The following CC2D2A variants were observed in gnomAD, a reference collection of about 807,000 sequenced individuals.
CC2D2A encodes coiled-coil and C2 domain-containing protein 2A.
CC2D2A carries 155 observed loss-of-function variants against 212.9 expected under a neutral mutation model. That is an observed-to-expected ratio of 0.73 (90% CI 0.64 to 0.83). The LOEUF (loss-of-function observed/expected upper bound fraction) is 0.83, where lower values mean the gene tolerates loss of function less well. CC2D2A is among the 40% of genes least tolerant of loss of function. CC2D2A has a pLI of 0.00. For missense variants in CC2D2A, 1,856 were observed against 1,956.2 expected (o/e 0.95, Z 0.97); for synonymous variants, 667 against 686.5 (o/e 0.97, Z 0.44).
chr4:15,597,926 CAG>C (rs770217005), intron 35 of CC2D2A, among the ~76,000 whole-genome samples: 1 of 152,188 alleles, frequency 6.6e-6, no homozygotes, highest in Non-Finnish European at 1.5e-5. Context: ...AACTGAGGCT[CAG>C]AGAGGTCCAC....
chr4:15,514,952 C>A, intron 9 of CC2D2A, 83 bp downstream of exon 9: 1 of 1,211,936 alleles, frequency 8.3e-7, no homozygotes, highest in Non-Finnish European at 1.2e-6. Flanking sequence ...ATAAGGATGC[C>A]TCATCTCCAG....
intron 17 of CC2D2A, among the ~76,000 whole-genome samples, chr4:15,549,385 C>A (rs1331118822): frequency 6.6e-6 from 1 of 152,158 alleles, no homozygotes; most frequent in Non-Finnish European, 1.5e-5. Context: ...GTCCTGAATT[C>A]AGTACCTGTG....
At chr4:15,527,789 C>T in intron 12 of CC2D2A, 133 bp downstream of exon 12, 1 of 676,176 alleles carries the variant, frequency 1.5e-6, no homozygotes, top group South Asian at 1.9e-5. Context: ...ATGTGTGATA[C>T]ATTATCCAGC....
At chr4:15,574,040 G>A (rs1720285470) in intron 28 of CC2D2A, 110 bp from the exon 29 acceptor site, 14 of 880,364 alleles carry the variant, frequency 1.6e-5, no homozygotes, top group South Asian at 5.6e-5. Context: ...TTGAATGCCA[G>A]TCTGAGCAAT....
chr4:15,593,854 C>T (rs983749942), intron 33 of CC2D2A, among the ~76,000 whole-genome samples: 12 of 152,192 alleles, frequency 7.9e-5, no homozygotes, highest in African/African-American at 2.9e-4. Flanking sequence ...AAGGTTTCAC[C>T]ATTTAACCCT....
chr4:15,534,332 T>C (rs538512439), intron 14 of CC2D2A, among the ~76,000 whole-genome samples: 6 of 152,336 alleles, frequency 3.9e-5, no homozygotes, highest in African/African-American at 1.4e-4. Flanking sequence ...TTTAAAAAGA[T>C]AAAATACATT....
At chr4:15,510,098 G>C in intron 6 of CC2D2A, 41 bp from the exon 7 acceptor site, 3 of 1,472,254 alleles carry the variant, frequency 2.0e-6, no homozygotes, top group Non-Finnish European at 2.8e-6. Flanking sequence ...TAAGTTTCTT[G>C]GGTTAAATGG....
chr4:15,574,157 G>T lies in CC2D2A; in HGVS notation c.3602G>T (p.Gly1201Val). ...STIYFQARID[G>V]TFKIDIPPVL... ...GTCATATTTTCTTCACAGATTGATG[G>T]AACATTTAAAATAGATATTCCCCCA... Residue 1201 changes from glycine to valine, a missense_variant, in exon 29 of 37, where the codon GGA becomes GTA. Physicochemically the swap from Gly to Val is moderately radical, Grantham distance 109. Coordinates refer to ENST00000424120, the MANE Select transcript of CC2D2A (RefSeq NM_001378615.1). 1 of 1,540,268 alleles carries T rather than the reference G, an allele frequency of 6.5e-7. No homozygotes were observed. The highest frequency in any genetic ancestry group is 8.8e-7 in the Non-Finnish European group (1 of 1,141,572).
intron 27 of CC2D2A, among the ~76,000 whole-genome samples, chr4:15,569,632 A>G (rs763124739): frequency 2.6e-5 from 4 of 152,236 alleles, no homozygotes; most frequent in Non-Finnish European, 5.9e-5. Flanking sequence ...AGTAAGAGGA[A>G]GAATGCATTT....
chr4:15,589,815 A>G lies in CC2D2A; in HGVS notation c.4314+136A>G, dbSNP rs572306952. 2.7e-4 allele frequency: 47 copies of G among 176,160 alleles called. 1 individual carries two copies. In the African/African-American group the frequency reaches 7.2e-3, roughly 27 times the overall value. 10.9% of individuals were successfully genotyped at this position (176,160 alleles called of 1,614,324 possible). ...TATATATATACACACATATATATAT[A>G]CCAGTTAAAAGAAATGCAGTGTCAA... On this transcript the variant is annotated intron_variant, in intron 33 of 36. Transcript: ENST00000424120.
intron 8 of CC2D2A, among the ~76,000 whole-genome samples, chr4:15,513,702 G>C (rs1716699310): frequency 1.3e-5 from 2 of 152,192 alleles, no homozygotes; most frequent in Admixed American, 1.3e-4. Context: ...TTTTCTCTGG[G>C]TGATTTTGCT....
At chr4:15,484,365 C>T (rs1714879607) in intron 4 of CC2D2A, among the ~76,000 whole-genome samples, 1 of 152,084 alleles carries the variant, frequency 6.6e-6, no homozygotes, top group Non-Finnish European at 1.5e-5. Flanking sequence ...GGGAATTGTA[C>T]CCAGCCTAGT....
At chr4:15,478,592 C>A in intron 2 of CC2D2A, 131 bp from the exon 3 acceptor site, 1 of 654,964 alleles carries the variant, frequency 1.5e-6, no homozygotes, top group South Asian at 2.1e-5. Flanking sequence ...AGATTGTTAA[C>A]TGTCCCCCAA....
chr4:15,563,423 G>A lies in CC2D2A; in HGVS notation c.3083G>A (p.Arg1028Gln), dbSNP rs775439922. The change falls in exon 24 of 37, where the codon CGG becomes CAG. Residue 1028 changes from arginine (R) to glutamine (Q), a missense_variant. By Grantham distance (43) the Arg-to-Gln change is conservative. Transcript: ENST00000424120. ...KRPLRPRRKG[R>Q]KKVTAQNLSD... ...CCACTGCGGCCAAGGAGAAAAGGTC[G>A]GAAGAAGGTGACAGCCCAAAACCTG... 1.1e-5 allele frequency: 17 copies of A among 1,609,854 alleles called. No individual in the cohort carries two copies. Among genetic ancestry groups the A allele is most frequent in the Middle Eastern group, 1.6e-4 (1 of 6,078 alleles).
intron 14 of CC2D2A, 64 bp from the exon 15 acceptor site, chr4:15,536,856 C>A (rs1718158434): frequency 1.4e-6 from 2 of 1,479,046 alleles, no homozygotes; most frequent in South Asian, 1.3e-5. Flanking sequence ...TAAGTATTTG[C>A]TGTTATTATT....
chr4:15,587,867 T>C lies in CC2D2A; in HGVS notation c.4117T>C (p.Cys1373Arg). The C allele has an allele frequency of 6.2e-7, 1 of 1,613,696 alleles. No individual in the cohort carries two copies. Residue 1373 changes from cysteine to arginine, a missense_variant, in exon 32 of 37, where the codon TGT (cysteine) becomes CGT (arginine). Cys to Arg is a radical substitution (Grantham distance 180). Transcript: ENST00000424120. ...TGAAGAAGAACATGCAGTACTATTG[T>C]GTAATTACTTTCTGTCTCTGGGTAA... ...GDEEEHAVLL[C>R]NYFLSLGKKA...
In CC2D2A at chr4:15,502,486, G is replaced by C; in HGVS notation, c.305G>C (p.Gly102Ala). 6.2e-7 allele frequency: 1 copy of C among 1,609,036 alleles called. No homozygotes were observed. Among genetic ancestry groups the C allele is most frequent in the South Asian group, 1.1e-5 (1 of 88,914 alleles). The part of the protein sequence containing the change: ...RTGFAEFSMR[G>A]RMREKLQAAR... ...GGCTTTGCAGAATTTTCCATGAGGG[G>C]ACGCATGAGGGAGAAATTGCAAGCA... The change falls in exon 5 of 37, where the codon GGA (glycine) becomes GCA (alanine). Residue 102 changes from glycine (G) to alanine (A), a missense_variant. Gly to Ala is a moderately conservative substitution (Grantham distance 60). This residue lies in a region of CC2D2A where 1,512 missense variants were observed against 1,579.3 expected (regional missense o/e 0.96). Coordinates refer to ENST00000424120, the MANE Select transcript of CC2D2A (RefSeq NM_001378615.1).
chr4:15,589,011 G>C (rs1720973927), intron 32 of CC2D2A, among the ~76,000 whole-genome samples: 1 of 151,786 alleles, frequency 6.6e-6, no homozygotes, highest in Non-Finnish European at 1.5e-5. Flanking sequence ...AGAATACCTT[G>C]ACAAGGGACT....
intron 30 of CC2D2A, among the ~76,000 whole-genome samples, chr4:15,583,895 G>A (rs1468223594): frequency 1.3e-5 from 2 of 151,172 alleles, no homozygotes; most frequent in Non-Finnish European, 2.9e-5. Flanking sequence ...AGCTTGCAGT[G>A]AGCCAGGATC....
Sources: allele counts gnomAD v4.1 joint callset (sites outside exome capture counted in the v4.1 genomes callset), GRCh38; gene constraint gnomAD v4.1.1; regional missense constraint gnomAD v4.1.1; transcripts MANE v1.5; gene names NCBI Gene and HGNC (gene_info 2026-07-23, HGNC 2026-07-21).